Variants in SERINC5 observed in about 807,000 individuals in gnomAD.
The protein encoded by SERINC5 is chromosome 5 open reading frame 12.
A neutral mutation model predicts 63.1 loss-of-function variants in SERINC5; 41 were observed. The ratio of observed to expected loss-of-function variants is 0.65; its 90% CI spans 0.51 to 0.84. The LOEUF is 0.84. Ranked by LOEUF, SERINC5 falls within the 40% of genes least tolerant of loss-of-function variation. The pLI is 0.00. For missense variants in SERINC5, 523 were observed against 573.0 expected (o/e 0.91, Z 0.89); for synonymous variants, 222 against 215.2 (o/e 1.03, Z -0.28).
At chr5:80,217,793 C>T (rs944030051) in intron 1 of SERINC5, among the ~76,000 whole-genome samples, 1 of 152,118 alleles carries the variant, frequency 6.6e-6, no homozygotes, top group Non-Finnish European at 1.5e-5. Flanking sequence ...CTAAACAGGG[C>T]TACATCCCAA....
chr5:80,135,775 G>T (rs1245568564), downstream of SERINC5, among the ~76,000 whole-genome samples: 3 of 151,436 alleles, frequency 2.0e-5, no homozygotes, highest in African/African-American at 7.3e-5. Context: ...CATAGTTTTT[G>T]GATCTTCCTG....
In SERINC5 at chr5:80,160,973, T is replaced by TAC. The variant is rs10682756; in HGVS notation, c.860-2012_860-2011insGT. On this transcript the variant is annotated intron_variant, in intron 7 of 11. Coordinates refer to ENST00000507668, the MANE Select transcript of SERINC5 (RefSeq NM_001174072.3). ...ATATATATATGTGTGTGTATATATA[T>TAC]GTATATATGTGTGTATATGTATATA... Among the ~76,000 whole-genome samples the TAC allele has an allele frequency of 7.6e-3, 1,048 of 138,252 alleles. 12 individuals carry two copies. The highest frequency in any genetic ancestry group is 0.027 in the African/African-American group (996 of 36,960). The allele number at this position is 138,252 out of a possible 152,430, so 90.7% of individuals were successfully genotyped here.
chr5:80,196,841 G>A (rs888134441), intron 2 of SERINC5, among the ~76,000 whole-genome samples: 1 of 151,914 alleles, frequency 6.6e-6, no homozygotes, highest in African/African-American at 2.4e-5. Context: ...TCAGGAGGCC[G>A]AGGAAGGAGA....
intron 2 of SERINC5, among the ~76,000 whole-genome samples, chr5:80,186,954 G>A (rs943181790): frequency 6.6e-6 from 1 of 151,980 alleles, no homozygotes; most frequent in African/African-American, 2.4e-5. Context: ...TCAGGAGTTC[G>A]AGACCAGCCT....
intron 11 of SERINC5, among the ~76,000 whole-genome samples, chr5:80,130,754 ATCTT>A (rs1580030259): frequency 6.6e-6 from 1 of 152,146 alleles, no homozygotes; most frequent in Non-Finnish European, 1.5e-5. Context: ...CCATCCACAA[ATCTT>A]TCTTTTATCC....
At chr5:80,173,059 C>A (rs558749261) in intron 5 of SERINC5, among the ~76,000 whole-genome samples, 64 of 152,150 alleles carry the variant, frequency 4.2e-4, no homozygotes, top group Non-Finnish European at 8.4e-4. Context: ...ATTCCTCCAT[C>A]CCCCAAACCT....
chr5:80,236,225 C>T (rs536903841), intron 1 of SERINC5, among the ~76,000 whole-genome samples: 64 of 152,144 alleles, frequency 4.2e-4, no homozygotes, highest in Non-Finnish European at 4.4e-4. Flanking sequence ...CTGTTCCAAG[C>T]GCAAAATCCT....
chr5:80,234,048 G>A (rs953482269), intron 1 of SERINC5, among the ~76,000 whole-genome samples: 2 of 152,032 alleles, frequency 1.3e-5, no homozygotes, highest in Non-Finnish European at 2.9e-5. Flanking sequence ...CTGAACTCGT[G>A]ATCCGTCCGT....
At chr5:80,154,692 A>G (rs1336493729) in intron 8 of SERINC5, among the ~76,000 whole-genome samples, 2 of 152,124 alleles carry the variant, frequency 1.3e-5, no homozygotes, top group African/African-American at 4.8e-5. Flanking sequence ...CGGCAATGCT[A>G]TCACACCAAC....
intron 5 of SERINC5, among the ~76,000 whole-genome samples, chr5:80,174,555 C>A (rs1747897840): frequency 6.6e-6 from 1 of 151,814 alleles, no homozygotes; most frequent in South Asian, 2.1e-4. Context: ...TTTAGTTGTT[C>A]TATTAAGAGC....
At chr5:80,174,843 G>T in intron 5 of SERINC5, 111 bp downstream of exon 5, 1 of 653,428 alleles carries the variant, frequency 1.5e-6, no homozygotes, top group Non-Finnish European at 2.6e-6. Context: ...AAAAAAGCAG[G>T]TATAAAGGGA....
chr5:80,189,711 TTTTTC>T (rs890850514), intron 2 of SERINC5, among the ~76,000 whole-genome samples: 3 of 152,166 alleles, frequency 2.0e-5, no homozygotes, highest in Admixed American at 6.5e-5. Flanking sequence ...AGTTTCTTTT[TTTTTC>T]TTTTCTTTTA....
chr5:80,134,703 G>C (rs1745087224), downstream of SERINC5, among the ~76,000 whole-genome samples: 2 of 152,150 alleles, frequency 1.3e-5, no homozygotes, highest in Non-Finnish European at 2.9e-5. Flanking sequence ...AGTAAAACGT[G>C]GCCTCTGGTC....
intron 2 of SERINC5, among the ~76,000 whole-genome samples, chr5:80,192,382 C>T (rs1426063708): frequency 6.6e-6 from 1 of 152,176 alleles, no homozygotes; most frequent in African/African-American, 2.4e-5. Context: ...CAGGGCTGTC[C>T]TCAAATGGAA....
At chr5:80,191,927 A>G (rs1036838767) in intron 2 of SERINC5, among the ~76,000 whole-genome samples, 1 of 152,194 alleles carries the variant, frequency 6.6e-6, no homozygotes, top group African/African-American at 2.4e-5. Flanking sequence ...TGGGAGAATA[A>G]CTGCACATAA....
rs115252205 is a variant in SERINC5 at position 80,206,053 on chromosome 5, A to G, written c.28-3000T>C. ...GCAGAAGTACTACATGGTGTCTTGG[A>G]TAACCTAATCAGACACAACTGGCAC... On this transcript the variant is annotated intron_variant, in intron 1 of 11. Coordinates refer to ENST00000507668, the MANE Select transcript of SERINC5 (RefSeq NM_001174072.3). Among the ~76,000 whole-genome samples the G allele has an allele frequency of 6.6e-3, 1,004 of 151,192 alleles. 6 individuals carry two copies. The highest frequency in any genetic ancestry group is 0.014 in the South Asian group (69 of 4,762).
chr5:80,176,891 A>G (rs4447967), intron 4 of SERINC5, among the ~76,000 whole-genome samples: 63,051 of 152,124 alleles, frequency 0.41, 15,519 homozygotes, highest in African/African-American at 0.69. Flanking sequence ...GAATTAAAGC[A>G]GGTTCTAACA....
chr5:80,221,872 C>G (rs1291668792), intron 1 of SERINC5, among the ~76,000 whole-genome samples: 1 of 151,240 alleles, frequency 6.6e-6, no homozygotes, highest in African/African-American at 2.4e-5. Flanking sequence ...AATGGCCAGA[C>G]ACGGTGGTTC....
chr5:80,173,725 C>T (rs10042015), intron 5 of SERINC5, among the ~76,000 whole-genome samples: 30,269 of 151,954 alleles, frequency 0.2, 3,719 homozygotes, highest in Non-Finnish European at 0.27. Flanking sequence ...CAGCTCCTTG[C>T]TACCACTTAG....
Sources: allele counts gnomAD v4.1 joint callset (sites outside exome capture counted in the v4.1 genomes callset), GRCh38; gene constraint gnomAD v4.1.1; transcripts MANE v1.5; gene names NCBI Gene and HGNC (gene_info 2026-07-23, HGNC 2026-07-21).